Variants in SH3RF3 observed in about 807,000 individuals in gnomAD.
SH3RF3 encodes E3 ubiquitin-protein ligase SH3RF3.
Under a neutral mutation model 66.3 loss-of-function variants are expected in SH3RF3, and 29 were observed. The ratio of observed to expected loss-of-function variants is 0.44; its 90% CI spans 0.33 to 0.60. The LOEUF (loss-of-function observed/expected upper bound fraction) is 0.60. SH3RF3 is among the 20% of genes least tolerant of loss of function. SH3RF3 has a pLI of 0.04. For synonymous variants in SH3RF3, 583 were observed against 532.0 expected (o/e 1.10, Z -1.32); for missense variants, 1,194 against 1,190.9 (o/e 1.00, Z -0.04).
chr2:109,194,715 C>T (rs1347311254), intron 1 of SH3RF3, among the ~76,000 whole-genome samples: 2 of 152,184 alleles, frequency 1.3e-5, no homozygotes, highest in Non-Finnish European at 2.9e-5. Context: ...TTCCCTCCAC[C>T]CTAAACACTG....
chr2:109,367,130 T>G (rs570884749), intron 2 of SH3RF3, among the ~76,000 whole-genome samples: 1 of 150,138 alleles, frequency 6.7e-6, no homozygotes. Flanking sequence ...TTTTTTTTTT[T>G]TTTTTTTTTT....
intron 1 of SH3RF3, among the ~76,000 whole-genome samples, chr2:109,279,033 T>G (rs1227133765): frequency 2.0e-5 from 3 of 152,222 alleles, no homozygotes; most frequent in African/African-American, 7.2e-5. Context: ...AAGTTATCTT[T>G]CTTCCAGGGT....
chr2:109,487,431 A>G lies in SH3RF3; in HGVS notation c.2149-3174A>G, dbSNP rs945182861. On this transcript the variant is annotated intron_variant, in intron 8 of 9. Transcript: ENST00000309415. ...ACTGGGAATTCCACAGCGATTGGTAATAACTGATGCTTAAGGCATTAGCAG... is the reference window on the plus strand; with the variant it reads ...ACTGGGAATTCCACAGCGATTGGTAGTAACTGATGCTTAAGGCATTAGCAG... Among the ~76,000 whole-genome samples, 3 of 152,342 alleles carry G rather than the reference A, an allele frequency of 2.0e-5. No homozygotes were observed. The South Asian group carries it at 6.2e-4, about 32-fold the overall frequency.
chr2:109,448,658 AC>A (rs1393861446), intron 7 of SH3RF3, among the ~76,000 whole-genome samples: 14 of 152,196 alleles, frequency 9.2e-5, no homozygotes, highest in Non-Finnish European at 2.1e-4. Flanking sequence ...CAGGGGTCCT[AC>A]TGATTCTATG....
chr2:109,229,481 G>C (rs1182019730), intron 1 of SH3RF3, among the ~76,000 whole-genome samples: 1 of 152,126 alleles, frequency 6.6e-6, no homozygotes, highest in Non-Finnish European at 1.5e-5. Context: ...TCTCAGACTG[G>C]TCCTGGGGTG....
At chr2:109,487,284 C>T (rs952582480) in intron 8 of SH3RF3, among the ~76,000 whole-genome samples, 6 of 152,190 alleles carry the variant, frequency 3.9e-5, no homozygotes, top group African/African-American at 1.2e-4. Flanking sequence ...AGCCTCTCCC[C>T]GAGTACATGC....
intron 1 of SH3RF3, among the ~76,000 whole-genome samples, chr2:109,303,259 T>C (rs547762694): frequency 6.6e-6 from 1 of 152,290 alleles, no homozygotes; most frequent in Non-Finnish European, 1.5e-5. Context: ...GAGGACCACC[T>C]CCCTCACATA....
chr2:109,407,602 C>G (rs1275400979), intron 4 of SH3RF3, among the ~76,000 whole-genome samples: 1 of 152,224 alleles, frequency 6.6e-6, no homozygotes, highest in Non-Finnish European at 1.5e-5. Flanking sequence ...AACTCCGGCT[C>G]CAGCTCCAGC....
intron 1 of SH3RF3, among the ~76,000 whole-genome samples, chr2:109,306,853 C>T (rs1454178009): frequency 1.3e-5 from 2 of 152,198 alleles, no homozygotes; most frequent in Non-Finnish European, 2.9e-5. Flanking sequence ...GTTGAGTAAG[C>T]TGCAGGAGAG....
rs565214512 is a variant in SH3RF3 at position 109,317,948 on chromosome 2, C to T, written c.574-29726C>T. ...CGCTGAGGGGACTCGCACAACTCTG[C>T]CGCTTGTCCTGATGGATTCTGTGGC... On this transcript the variant is annotated intron_variant, in intron 1 of 9. Coordinates refer to ENST00000309415, the MANE Select transcript of SH3RF3 (RefSeq NM_001099289.3). Among the ~76,000 whole-genome samples, 3 of 152,178 alleles carry T rather than the reference C, an allele frequency of 2.0e-5. No individual in the cohort carries two copies. The East Asian group carries it at 5.9e-4, about 30-fold the overall frequency.
intron 1 of SH3RF3, among the ~76,000 whole-genome samples, chr2:109,251,257 C>T (rs1680085213): frequency 6.6e-6 from 1 of 152,208 alleles, no homozygotes; most frequent in Admixed American, 6.5e-5. Context: ...CCCGCCTCAG[C>T]CTCCCAAAGT....
At chr2:109,134,752 A>C (rs1676779733) in intron 1 of SH3RF3, among the ~76,000 whole-genome samples, 1 of 152,202 alleles carries the variant, frequency 6.6e-6, no homozygotes, top group Non-Finnish European at 1.5e-5. Flanking sequence ...TGGTAGCACG[A>C]TTCTAAACAT....
At chr2:109,392,847 A>G (rs1470241760) in intron 3 of SH3RF3, among the ~76,000 whole-genome samples, 1 of 152,168 alleles carries the variant, frequency 6.6e-6, no homozygotes, top group African/African-American at 2.4e-5. Flanking sequence ...TCACTGGCAA[A>G]GAGTCCCTGG....
intron 8 of SH3RF3, among the ~76,000 whole-genome samples, chr2:109,472,768 T>A (rs933105284): frequency 6.6e-6 from 1 of 152,184 alleles, no homozygotes; most frequent in Non-Finnish European, 1.5e-5. Flanking sequence ...TTTATGGCTG[T>A]GTTGTATTTG....
chr2:109,277,191 A>G (rs914111263), intron 1 of SH3RF3, among the ~76,000 whole-genome samples: 8 of 152,088 alleles, frequency 5.3e-5, no homozygotes, highest in Non-Finnish European at 1.2e-4. Context: ...AGTTCCCAGA[A>G]TTTCAGTCGC....
intron 4 of SH3RF3, among the ~76,000 whole-genome samples, chr2:109,399,628 A>G (rs974364192): frequency 5.9e-5 from 9 of 152,208 alleles, no homozygotes; most frequent in African/African-American, 2.2e-4. Context: ...GTCAATCAAT[A>G]AAATAAAATA....
intron 1 of SH3RF3, among the ~76,000 whole-genome samples, chr2:109,323,002 GTTGCAGAGGGATT>G (rs1306465768): frequency 2.6e-5 from 4 of 152,244 alleles, no homozygotes; most frequent in Admixed American, 2.6e-4. Flanking sequence ...GCTGAGCTGT[GTTGCAGAGGGATT>G]TTCTTATACC....
chr2:109,149,583 T>C (rs1382825381), intron 1 of SH3RF3, among the ~76,000 whole-genome samples: 1 of 152,126 alleles, frequency 6.6e-6, no homozygotes, highest in Non-Finnish European at 1.5e-5. Context: ...CCCTGGGTCT[T>C]GCATGCAAGG....
chr2:109,501,639 C>A lies in SH3RF3; in HGVS notation c.2617C>A (p.Leu873Ile). Residue 873 changes from leucine to isoleucine, a missense_variant, in exon 10 of 10, where the codon CTC becomes ATC. Physicochemically the swap from Leu to Ile is conservative, Grantham distance 5 (BLOSUM62 2). Coordinates refer to ENST00000309415, the MANE Select transcript of SH3RF3 (RefSeq NM_001099289.3). The stretch of plus-strand genomic sequence containing the variant: ...CCTGCAGCGGAACGGCCGCACAGGC[C>A]TCTTCCCGGGCAGCTTCGTCGAGAG... ...GTLQRNGRTGLFPGSFVESF is the reference protein window; with the variant it reads ...GTLQRNGRTGIFPGSFVESF The A allele has an allele frequency of 1.3e-6, 1 of 776,114 alleles. No homozygotes were observed. Among genetic ancestry groups the A allele is most frequent in the East Asian group, 2.4e-5 (1 of 41,040 alleles). 48.1% of individuals were successfully genotyped at this position (776,114 alleles called of 1,614,324 possible).
Sources: gnomAD v4.1 joint callset for allele counts (sites outside exome capture counted in the v4.1 genomes callset) on GRCh38, gnomAD v4.1.1 for gene constraint, MANE v1.5 for transcripts, NCBI Gene and HGNC (gene_info 2026-07-23, HGNC 2026-07-21) for gene names.